The following CAMSAP1 variants were observed in gnomAD, a reference collection of about 807,000 sequenced individuals.
CAMSAP1 encodes the protein calmodulin-regulated spectrin-associated protein 1.
CAMSAP1 carries 58 observed loss-of-function variants against 143.5 expected under a neutral mutation model. That is an observed-to-expected ratio of 0.40 (90% CI 0.33 to 0.50). The LOEUF (loss-of-function observed/expected upper bound fraction) is 0.50, where lower values mean the gene tolerates loss of function less well. Among genes scored for constraint, CAMSAP1 ranks in the 20% least tolerant of loss-of-function variants. The pLI is 0.45. For synonymous variants in CAMSAP1, 945 were observed against 859.3 expected, an observed-to-expected ratio of 1.10 and a Z score of -1.74; for missense variants, 1,969 against 2,115.7, an observed-to-expected ratio of 0.93 and a Z score of 1.36.
chr9:135,845,177 T>A (rs536973345), intron 7 of CAMSAP1, among the ~76,000 whole-genome samples: 1 of 152,206 alleles, frequency 6.6e-6, no homozygotes, highest in Non-Finnish European at 1.5e-5. Flanking sequence ...CACGATCAAG[T>A]TGGCTTCATA....
In CAMSAP1 at chr9:135,882,351, C is replaced by T. The variant is rs777407064; in HGVS notation, c.423+465G>A. Among the ~76,000 whole-genome samples the T allele has an allele frequency of 2.0e-5, 3 of 151,964 alleles. No individual in the cohort carries two copies. Among genetic ancestry groups the T allele is most frequent in the African/African-American group, 4.8e-5 (2 of 41,356 alleles). On this transcript the variant is annotated intron_variant, in intron 2 of 16. Coordinates refer to ENST00000389532, the MANE Select transcript of CAMSAP1 (RefSeq NM_015447.4). This position sits in a 1 kb window ranked among gnomAD's most constrained non-coding sequence, Gnocchi z 4.9. Reference sequence around the variant, plus strand: ...CAAACAAAGGCAGTGCAGGAGGCACCGAGAATGGCCCTGACCCAGAACGCT... The same window carrying T: ...CAAACAAAGGCAGTGCAGGAGGCACTGAGAATGGCCCTGACCCAGAACGCT...
At chr9:135,829,205 A>T (rs1156965045) in intron 7 of CAMSAP1, among the ~76,000 whole-genome samples, 1 of 152,240 alleles carries the variant, frequency 6.6e-6, no homozygotes, top group Non-Finnish European at 1.5e-5. Context: ...TAATTCCATT[A>T]TAAAAGTTAA....
Position 135,821,476 on chromosome 9 carries a change from T to C in CAMSAP1, c.3185A>G (p.Asn1062Ser), listed in dbSNP as rs201291561. The C allele has an allele frequency of 1.4e-4, 221 of 1,614,050 alleles. No individual in the cohort carries two copies. The East Asian group carries it at 4.1e-3, about 30-fold the overall frequency. The change falls in exon 11 of 17, where the codon AAT becomes AGT. Residue 1062 changes from asparagine (N) to serine (S), a missense_variant. Transcript: ENST00000389532. This position sits in a 1 kb window ranked among gnomAD's most constrained non-coding sequence, Gnocchi z 4.6. ...CTTCACTTTGTGGTCCTGCGAGTTATTCTTAGAGCCTGGCACTGGGACTGT... is the reference window on the plus strand; with the variant it reads ...CTTCACTTTGTGGTCCTGCGAGTTACTCTTAGAGCCTGGCACTGGGACTGT... ...SPTVPVPGSKNNSQDHKVKAP... is the reference protein window; with the variant it reads ...SPTVPVPGSKSNSQDHKVKAP...
chr9:135,818,414 A>G lies in CAMSAP1; in HGVS notation c.4162T>C (p.Ser1388Pro). 1 of 1,580,432 alleles carries G rather than the reference A, an allele frequency of 6.3e-7. No individual in the cohort carries two copies. The highest frequency in any genetic ancestry group is 8.6e-7 in the Non-Finnish European group (1 of 1,169,144). Residue 1388 changes from serine to proline, a missense_variant, in exon 13 of 17, where the codon TCC (serine) becomes CCC (proline). Around this residue, in one of 4 missense-constraint regions of CAMSAP1, gnomAD observed 1,390 missense variants for 1,420.8 expected, o/e 0.98. Coordinates refer to ENST00000389532, the MANE Select transcript of CAMSAP1 (RefSeq NM_015447.4). This position sits in a 1 kb window ranked among gnomAD's most constrained non-coding sequence, Gnocchi z 7.7. ...SCSDSGTKCS[S>P]TPDNLSRTQS... Reference sequence around the variant, plus strand: ...GAGGGCCGGGGCTGCTTACGGGTGGAGGAGCACTTGGTGCCGGAGTCGCTG... The same window carrying G: ...GAGGGCCGGGGCTGCTTACGGGTGGGGGAGCACTTGGTGCCGGAGTCGCTG...
chr9:135,851,062 G>A (rs2130905154), intron 5 of CAMSAP1, among the ~76,000 whole-genome samples: 1 of 152,292 alleles, frequency 6.6e-6, no homozygotes, highest in African/African-American at 2.4e-5. Context: ...CTCCATGGAG[G>A]AAGCACCAGT....
Position 135,818,410 on chromosome 9 carries a change from G to A in CAMSAP1, c.4166C>T (p.Thr1389Ile). The part of the protein sequence containing the change: ...CSDSGTKCSS[T>I]PDNLSRTQSG... ...GCGTGAGGGCCGGGGCTGCTTACGGGTGGAGGAGCACTTGGTGCCGGAGTC... is the reference window on the plus strand; with the variant it reads ...GCGTGAGGGCCGGGGCTGCTTACGGATGGAGGAGCACTTGGTGCCGGAGTC... Residue 1389 changes from threonine (T) to isoleucine (I), a missense_variant and splice_region_variant, in exon 13 of 17, where the codon ACC becomes ATC. Around this residue, in one of 4 missense-constraint regions of CAMSAP1, gnomAD observed 1,390 missense variants for 1,420.8 expected, o/e 0.98. Transcript: ENST00000389532. The surrounding 1 kb of genome is among the most constrained non-coding windows in gnomAD (Gnocchi z 7.7). The A allele has an allele frequency of 1.3e-6, 2 of 1,577,464 alleles. No individual in the cohort carries two copies. Among genetic ancestry groups the A allele is most frequent in the East Asian group, 2.3e-5 (1 of 43,498 alleles).
chr9:135,897,323 CT>C (rs976583763), intron 1 of CAMSAP1, among the ~76,000 whole-genome samples: 3 of 151,752 alleles, frequency 2.0e-5, no homozygotes, highest in Non-Finnish European at 4.4e-5. Context: ...CCAGCTAATT[CT>C]TTTTTTTAAT....
At position 135,822,324 on chromosome 9, in the gene CAMSAP1, C is replaced by T; in HGVS notation, c.2337G>A (p.Val779=). ...ESAKLQEDMK[V]KEHEDKDDAS... is the part of the protein sequence containing the mutation. ...CGTCATCTTTGTCTTCATGTTCCTT[C>T]ACCTTCATGTCCTCCTGCAGTTTGG... The change falls in exon 11 of 17, where the codon GTG becomes GTA. Residue 779 remains valine, a synonymous_variant. Coordinates refer to ENST00000389532, the MANE Select transcript of CAMSAP1 (RefSeq NM_015447.4). This position sits in a 1 kb window ranked among gnomAD's most constrained non-coding sequence, Gnocchi z 6.1. 6.2e-7 allele frequency: 1 copy of T among 1,614,052 alleles called. No individual in the cohort carries two copies.
intron 14 of CAMSAP1, 109 bp downstream of exon 14, chr9:135,817,868 C>CA (rs1212384673): frequency 4.6e-5 from 38 of 825,730 alleles, no homozygotes; most frequent in Non-Finnish European, 6.9e-5. Context: ...GAAATTATAT[C>CA]AAAATTAAAG....
chr9:135,888,531 G>C (rs561349014), intron 1 of CAMSAP1, among the ~76,000 whole-genome samples: 1 of 152,156 alleles, frequency 6.6e-6, no homozygotes, highest in East Asian at 1.9e-4. Context: ...GCCCAGAGAC[G>C]TGCAGGACAG....
At chr9:135,867,574 T>C (rs772109400) in intron 3 of CAMSAP1, among the ~76,000 whole-genome samples, 95 of 151,572 alleles carry the variant, frequency 6.3e-4, no homozygotes, top group Admixed American at 1.4e-3. Flanking sequence ...TGGAGGAAAG[T>C]CGAAGCCACT....
At chr9:135,873,865 C>T (rs1164673468) in intron 3 of CAMSAP1, among the ~76,000 whole-genome samples, 1 of 152,102 alleles carries the variant, frequency 6.6e-6, no homozygotes, top group African/African-American at 2.4e-5. Context: ...TCCCAACTCA[C>T]TTTTTTAGCC....
intron 7 of CAMSAP1, among the ~76,000 whole-genome samples, chr9:135,831,763 A>T (rs1001867557): frequency 6.6e-6 from 1 of 152,166 alleles, no homozygotes; most frequent in Non-Finnish European, 1.5e-5. Flanking sequence ...AAAAGAGGAG[A>T]TATTATAATA....
At chr9:135,891,824 T>C (rs1449841622) in intron 1 of CAMSAP1, among the ~76,000 whole-genome samples, 1 of 152,024 alleles carries the variant, frequency 6.6e-6, no homozygotes, top group South Asian at 2.1e-4. Flanking sequence ...TTAAAATATA[T>C]GAAAAAATAG....
intron 1 of CAMSAP1, among the ~76,000 whole-genome samples, chr9:135,898,717 CAA>C (rs1376033330): frequency 6.6e-6 from 1 of 152,160 alleles, no homozygotes; most frequent in Non-Finnish European, 1.5e-5. Context: ...CTGACATCAT[CAA>C]GTGTTGGCAA....
chr9:135,880,789 C>G (rs1334007929), intron 3 of CAMSAP1, among the ~76,000 whole-genome samples: 1 of 152,172 alleles, frequency 6.6e-6, no homozygotes, highest in East Asian at 1.9e-4. Flanking sequence ...AATGCGCAAA[C>G]TTAAACACCT....
intron 7 of CAMSAP1, among the ~76,000 whole-genome samples, chr9:135,831,298 G>A (rs931120780): frequency 6.6e-6 from 1 of 152,092 alleles, no homozygotes; most frequent in Non-Finnish European, 1.5e-5. Flanking sequence ...GCTGAATGAA[G>A]CGGAATACAA....
In CAMSAP1 at chr9:135,824,758, T is replaced by G; in HGVS notation, c.1315+31A>C. On this transcript the variant is annotated intron_variant, in intron 9 of 16. Coordinates refer to ENST00000389532, the MANE Select transcript of CAMSAP1 (RefSeq NM_015447.4). The surrounding 1 kb of genome is among the most constrained non-coding windows in gnomAD (Gnocchi z 4.1). The stretch of plus-strand genomic sequence containing the variant: ...TTACTAATCTATAGTAAGGAGAAAT[T>G]AAGGAAAAAAGGAGGAAACAACATT... 7.1e-7 allele frequency: 1 copy of G among 1,400,488 alleles called. No individual in the cohort carries two copies. The highest frequency in any genetic ancestry group is 9.7e-7 in the Non-Finnish European group (1 of 1,029,126). The allele number at this position is 1,400,488 out of a possible 1,614,324, so 86.8% of individuals were successfully genotyped here.
intron 7 of CAMSAP1, among the ~76,000 whole-genome samples, chr9:135,846,092 A>C (rs982511205): frequency 1.6e-3 from 217 of 131,720 alleles, no homozygotes; most frequent in East Asian, 9.3e-3. Context: ...AAAAAAAAAA[A>C]ACGAAGCTGG....
Sources: gnomAD v4.1 joint callset for allele counts (sites outside exome capture counted in the v4.1 genomes callset) on GRCh38, gnomAD v4.1.1 for gene constraint, gnomAD v4.1.1 regional missense constraint, Gnocchi (gnomAD v3.1) non-coding constraint, MANE v1.5 for transcripts, NCBI Gene and HGNC (gene_info 2026-07-23, HGNC 2026-07-21) for gene names.